TAF1: variants seen among roughly 807,000 people sequenced by gnomAD.
TAF1 encodes the protein TATA-box binding protein associated factor 1.
Under a neutral mutation model 138.5 loss-of-function variants are expected in TAF1, and 2 were observed. The observed-to-expected ratio is 0.01, with a 90% CI of 0.01 to 0.05. TAF1 has a LOEUF of 0.05. Ranked by LOEUF, TAF1 falls within the 10% of genes least tolerant of loss-of-function variation. The probability of loss-of-function intolerance (pLI) is 1.00; values close to 1 mark genes in which losing one functional copy is unlikely to be tolerated. For synonymous variants in TAF1, 437 were observed against 503.2 expected, an observed-to-expected ratio of 0.87 and a Z score of 1.76; for missense variants, 709 against 1,478.0, an observed-to-expected ratio of 0.48 and a Z score of 8.53.
chrX:71,484,339 T>TC (rs2147519008), intron 13 of TAF1, among the ~76,000 whole-genome samples: 1 of 109,616 alleles, frequency 9.1e-6, no homozygotes, highest in Non-Finnish European at 1.9e-5. Flanking sequence ...CAAATTACTT[T>TC]TTTTTTTTTT....
intron 32 of TAF1, among the ~76,000 whole-genome samples, chrX:71,446,037 A>G (rs951949882): frequency 2.8e-5 from 3 of 109,082 alleles, no homozygotes; most frequent in African/African-American, 1.0e-4. Context: ...CAGCCTCCCA[A>G]GTAACTGGGA....
intron 32 of TAF1, among the ~76,000 whole-genome samples, chrX:71,450,182 G>A (rs200124583): frequency 9.2e-6 from 1 of 109,151 alleles, no homozygotes; most frequent in East Asian, 2.9e-4. Flanking sequence ...ACCTATACTT[G>A]TAAGACGTTT....
At chrX:71,382,398 G>C (rs776235378) in intron 9 of TAF1, 138 bp from the exon 10 acceptor site, 38 of 841,813 alleles carry the variant, frequency 4.5e-5, no homozygotes, top group Admixed American at 1.8e-4. Context: ...AAGTTACCTG[G>C]GGGGGGGTGG....
chrX:71,373,383 G>T (rs1369183068), intron 3 of TAF1, among the ~76,000 whole-genome samples: 1 of 107,737 alleles, frequency 9.3e-6, no homozygotes, highest in Non-Finnish European at 1.9e-5. Context: ...GCCTAGGCTG[G>T]TCTTGAACTC....
chrX:71,458,117 A>G (rs1234467624), intron 34 of TAF1, 124 bp from the exon 35 acceptor site: 3 of 918,815 alleles, frequency 3.3e-6, no homozygotes, highest in South Asian at 5.2e-5. Flanking sequence ...GTGTCAAACT[A>G]TGTTTCTCTT....
intron 13 of TAF1, among the ~76,000 whole-genome samples, chrX:71,480,463 C>T (rs912265712): frequency 1.8e-5 from 2 of 111,607 alleles, no homozygotes; most frequent in Non-Finnish European, 3.8e-5. Flanking sequence ...ACTATGTACC[C>T]GGTAGTATGC....
chrX:71,428,884 AAC>A (rs2036728211), intron 32 of TAF1, among the ~76,000 whole-genome samples: 1 of 112,196 alleles, frequency 8.9e-6, no homozygotes, highest in Non-Finnish European at 1.9e-5. Flanking sequence ...GCTGGAAGGA[AAC>A]ACACCAGAGT....
intron 13 of TAF1, among the ~76,000 whole-genome samples, chrX:71,527,085 A>G (rs977688951): frequency 9.2e-6 from 1 of 109,258 alleles, no homozygotes; most frequent in Admixed American, 9.8e-5. Context: ...AACAATTTTC[A>G]TTTGAAAAAT....
chrX:71,446,046 G>T (rs2037682187), intron 32 of TAF1, among the ~76,000 whole-genome samples: 1 of 109,503 alleles, frequency 9.1e-6, no homozygotes, highest in Non-Finnish European at 1.9e-5. Context: ...AAGTAACTGG[G>T]ATTACAGGTG....
intron 13 of TAF1, among the ~76,000 whole-genome samples, chrX:71,523,196 A>T (rs896173067): frequency 9.3e-6 from 1 of 107,891 alleles, no homozygotes; most frequent in Non-Finnish European, 1.9e-5. Flanking sequence ...AAAAAAAAAA[A>T]AAAAAAAAAA....
At chrX:71,369,330 A>G (rs913485984) in intron 3 of TAF1, among the ~76,000 whole-genome samples, 5 of 111,502 alleles carry the variant, frequency 4.5e-5, no homozygotes, top group Admixed American at 9.6e-5. Context: ...GCTTGCAAAT[A>G]TGTTTTTTTC....
intron 13 of TAF1, chrX:71,492,633 C>T (rs1014355466): frequency 2.4e-5 from 3 of 123,731 alleles, no homozygotes; most frequent in East Asian, 2.5e-4. Context: ...ATCTTCTGAT[C>T]GCCCGGCTCC....
At chrX:71,371,693 A>G (rs781327924) in intron 3 of TAF1, among the ~76,000 whole-genome samples, 25 of 111,697 alleles carry the variant, frequency 2.2e-4, no homozygotes, top group Non-Finnish European at 4.7e-4. Flanking sequence ...TGAAAAGAAA[A>G]GGATTTTGGA....
chrX:71,512,832 A>G (rs746133070), intron 13 of TAF1, among the ~76,000 whole-genome samples: 4 of 111,936 alleles, frequency 3.6e-5, no homozygotes, highest in Non-Finnish European at 7.5e-5. Context: ...AAAAAAGTAC[A>G]TAGTACATAC....
chrX:71,406,525 C>A, intron 25 of TAF1, 113 bp from the exon 26 acceptor site: 1 of 736,731 alleles, frequency 1.4e-6, no homozygotes, highest in Non-Finnish European at 1.9e-6. Context: ...TTGGCTTTTT[C>A]CTCGCTAGGC....
intron 37 of TAF1, among the ~76,000 whole-genome samples, chrX:71,462,359 C>G (rs1251872040): frequency 3.6e-5 from 4 of 111,395 alleles, no homozygotes; most frequent in Admixed American, 9.6e-5. Context: ...AGGCAGATCA[C>G]AAGGTCAAGA....
intron 17 of TAF1, among the ~76,000 whole-genome samples, 177 bp downstream of exon 17, chrX:71,389,045 A>G (rs1457625604): frequency 8.9e-6 from 1 of 111,899 alleles, no homozygotes; most frequent in Admixed American, 9.5e-5. Flanking sequence ...TACGTACATC[A>G]GTTCTGGAGA....
chrX:71,493,160 AGGCGC>A (rs1432918638), intron 13 of TAF1, among the ~76,000 whole-genome samples: 1 of 110,507 alleles, frequency 9.0e-6, no homozygotes, highest in Non-Finnish European at 1.9e-5. Flanking sequence ...CTGGGACAAT[AGGCGC>A]GCCATGCCCG....
intron 18 of TAF1, among the ~76,000 whole-genome samples, chrX:71,390,706 T>C (rs2034507634): frequency 9.0e-6 from 1 of 111,409 alleles, no homozygotes; most frequent in African/African-American, 3.3e-5. Flanking sequence ...TTTGTAGAAA[T>C]GTCTCACGGC....
Sources: allele counts gnomAD v4.1 joint callset (sites outside exome capture counted in the v4.1 genomes callset), GRCh38; gene constraint gnomAD v4.1.1; transcripts MANE v1.5; gene names NCBI Gene and HGNC (gene_info 2026-07-23, HGNC 2026-07-21).